ATP8A1: variants seen among roughly 807,000 people sequenced by gnomAD.
ATP8A1 encodes ATPase phospholipid transporting 8A1.
Under a neutral mutation model 177.7 loss-of-function variants are expected in ATP8A1, and 90 were observed. The ratio of observed to expected loss-of-function variants is 0.51; its 90% CI spans 0.43 to 0.60. ATP8A1 has a LOEUF of 0.60. Among genes scored for constraint, ATP8A1 ranks in the 20% least tolerant of loss-of-function variants. The probability of loss-of-function intolerance (pLI) is 0.00; values close to 1 mark genes in which losing one functional copy is unlikely to be tolerated. For synonymous variants in ATP8A1, 493 were observed against 485.9 expected, an observed-to-expected ratio of 1.01 and a Z score of -0.19; for missense variants, 1,072 against 1,392.8, an observed-to-expected ratio of 0.77 and a Z score of 3.67.
At chr4:42,640,853 C>G (rs1173672294) in intron 1 of ATP8A1, among the ~76,000 whole-genome samples, 1 of 151,998 alleles carries the variant, frequency 6.6e-6, no homozygotes, top group Non-Finnish European at 1.5e-5. Context: ...AGTCAGATCC[C>G]TTTTAGAGAA....
chr4:42,568,843 G>A (rs1246195606), intron 15 of ATP8A1, among the ~76,000 whole-genome samples: 10 of 152,026 alleles, frequency 6.6e-5, no homozygotes, highest in East Asian at 3.9e-4. Flanking sequence ...AAAACCTGAC[G>A]GCTTCAGGAG....
chr4:42,428,667 T>C (rs181978513), intron 33 of ATP8A1, among the ~76,000 whole-genome samples: 2 of 152,316 alleles, frequency 1.3e-5, no homozygotes, highest in Non-Finnish European at 2.9e-5. Flanking sequence ...TTAAACCCTT[T>C]CTGTGGCTTC....
chr4:42,478,481 T>C (rs902217656), intron 25 of ATP8A1, among the ~76,000 whole-genome samples: 8 of 151,942 alleles, frequency 5.3e-5, no homozygotes, highest in Non-Finnish European at 7.4e-5. Flanking sequence ...GTACAGCAAA[T>C]GGATGGGAAC....
rs1410380122 is a variant in ATP8A1, at chr4:42,635,802, TATATATATAC to T, written c.50-8703_50-8694del. Among the ~76,000 whole-genome samples the T allele has an allele frequency of 4.3e-4, 49 of 113,272 alleles. 1 individual carries two copies. Among genetic ancestry groups the T allele is most frequent in the African/African-American group, 9.3e-4 (25 of 26,826 alleles). The allele number at this position is 113,272 out of a possible 152,430, so 74.3% of individuals were successfully genotyped here. On this transcript the variant is annotated intron_variant, in intron 1 of 36. Transcript: ENST00000381668. ...ACACACATATATATATATATATATA[TATATATATAC>T]ACATGTATGTATGTATGTAAGCTTC...
At chr4:42,534,155 G>C (rs186264197) in intron 20 of ATP8A1, among the ~76,000 whole-genome samples, 26 of 152,202 alleles carry the variant, frequency 1.7e-4, no homozygotes, top group Non-Finnish European at 2.9e-5. Context: ...CACCACAATG[G>C]ATCCAATTCA....
intron 4 of ATP8A1, among the ~76,000 whole-genome samples, chr4:42,622,406 AAAAG>A (rs1392936154): frequency 6.6e-6 from 1 of 151,910 alleles, no homozygotes; most frequent in East Asian, 1.9e-4. Context: ...CAAACACAAA[AAAAG>A]ACTTAAATAT....
At chr4:42,517,291 CA>C (rs34576268) in intron 22 of ATP8A1, among the ~76,000 whole-genome samples, 55,257 of 102,550 alleles carry the variant, frequency 0.54, 10,434 homozygotes, top group East Asian at 0.71. Flanking sequence ...GACTCCGTCT[CA>C]AAAAAAAAAA....
intron 29 of ATP8A1, among the ~76,000 whole-genome samples, chr4:42,452,354 C>G (rs1397629161): frequency 2.0e-5 from 3 of 152,034 alleles, no homozygotes; most frequent in Non-Finnish European, 4.4e-5. Flanking sequence ...TAAAAAAATG[C>G]AGAATTCTGA....
chr4:42,540,176 G>T (rs1728239350), intron 20 of ATP8A1, among the ~76,000 whole-genome samples: 1 of 151,988 alleles, frequency 6.6e-6, no homozygotes, highest in African/African-American at 2.4e-5. Context: ...ACAAGTATAT[G>T]AAAAAAATGC....
chr4:42,571,455 A>G (rs1197209230), intron 14 of ATP8A1, among the ~76,000 whole-genome samples: 2 of 149,058 alleles, frequency 1.3e-5, no homozygotes, highest in African/African-American at 2.5e-5. Flanking sequence ...TTATTCTAAA[A>G]GGTCTAAATT....
chr4:42,501,737 G>T (rs544703367), intron 24 of ATP8A1, among the ~76,000 whole-genome samples: 1 of 152,162 alleles, frequency 6.6e-6, no homozygotes, highest in South Asian at 2.1e-4. Flanking sequence ...ACACAAGATC[G>T]GAAGGAGCTA....
At chr4:42,509,121 T>A (rs1028034556) in intron 22 of ATP8A1, among the ~76,000 whole-genome samples, 1 of 152,224 alleles carries the variant, frequency 6.6e-6, no homozygotes, top group Non-Finnish European at 1.5e-5. Context: ...AACTGGGCAG[T>A]TGTGGACATT....
At chr4:42,603,367 G>A (rs1369575074) in intron 5 of ATP8A1, among the ~76,000 whole-genome samples, 3 of 152,026 alleles carry the variant, frequency 2.0e-5, no homozygotes, top group Non-Finnish European at 2.9e-5. Context: ...TCCAGTCATT[G>A]GCAATATTTA....
chr4:42,458,849 A>G (rs201129247), intron 27 of ATP8A1, among the ~76,000 whole-genome samples: 1 of 152,018 alleles, frequency 6.6e-6, no homozygotes, highest in Non-Finnish European at 1.5e-5. Context: ...GCATTTCTGC[A>G]TATTAAACAG....
At chr4:42,471,911 C>A (rs572587804) in intron 25 of ATP8A1, 2 of 644,140 alleles carry the variant, frequency 3.1e-6, no homozygotes, top group Admixed American at 1.9e-5. Context: ...GAGATAAACT[C>A]GGACCTCAAG....
chr4:42,535,837 A>C (rs1408935509), intron 20 of ATP8A1, among the ~76,000 whole-genome samples: 1 of 152,228 alleles, frequency 6.6e-6, no homozygotes, highest in Non-Finnish European at 1.5e-5. Flanking sequence ...AAATACATGA[A>C]AATTAAATAA....
At chr4:42,509,528 G>A (rs75269631) in intron 22 of ATP8A1, among the ~76,000 whole-genome samples, 2,461 of 152,292 alleles carry the variant, frequency 0.016, 68 homozygotes, top group African/African-American at 0.055. Context: ...TGCCTTGCCT[G>A]GTGAAACTTG....
At chr4:42,523,284 T>C (rs1726332775) in intron 21 of ATP8A1, among the ~76,000 whole-genome samples, 1 of 152,150 alleles carries the variant, frequency 6.6e-6, no homozygotes, top group Non-Finnish European at 1.5e-5. Context: ...ACTTGTCAGC[T>C]ACCCAAGGAA....
At chr4:42,583,863 G>A (rs571921378) in intron 9 of ATP8A1, among the ~76,000 whole-genome samples, 28 of 152,160 alleles carry the variant, frequency 1.8e-4, no homozygotes, top group Non-Finnish European at 3.4e-4. Context: ...GATTTGCTCA[G>A]CAACAATTTG....
Sources: gnomAD v4.1 joint callset for allele counts (sites outside exome capture counted in the v4.1 genomes callset) on GRCh38, gnomAD v4.1.1 for gene constraint, MANE v1.5 for transcripts, NCBI Gene and HGNC (gene_info 2026-07-23, HGNC 2026-07-21) for gene names.